The following KALRN variants were observed in gnomAD, a reference collection of about 807,000 sequenced individuals.
KALRN encodes the protein kalirin RhoGEF kinase.
KALRN carries 70 observed loss-of-function variants against 353.7 expected under a neutral mutation model. The observed-to-expected ratio is 0.20, with a 90% CI of 0.16 to 0.24. The LOEUF (loss-of-function observed/expected upper bound fraction) is 0.24, where lower values mean the gene tolerates loss of function less well. Ranked by LOEUF, KALRN falls within the 10% of genes least tolerant of loss-of-function variation. KALRN has a pLI of 1.00. For missense variants in KALRN, 2,791 were observed against 3,756.7 expected (o/e 0.74, Z 6.72); for synonymous variants, 1,391 against 1,434.8 (o/e 0.97, Z 0.69).
At chr3:124,077,978 A>G (rs2060345198) in intron 1 of KALRN, among the ~76,000 whole-genome samples, 1 of 152,234 alleles carries the variant, frequency 6.6e-6, no homozygotes, top group Non-Finnish European at 1.5e-5. Context: ...AATTGTTTCA[A>G]CGAATAAATG....
At chr3:124,286,099 C>CTTTCTTTCTTTCTT (rs2075836028) in intron 5 of KALRN, among the ~76,000 whole-genome samples, 2 of 143,678 alleles carry the variant, frequency 1.4e-5, no homozygotes, top group Admixed American at 1.4e-4. Context: ...TTCTTTCTTT[C>CTTTCTTTCTTTCTT]TTTCTTTCTT....
intron 39 of KALRN, among the ~76,000 whole-genome samples, chr3:124,657,150 T>C (rs1200715546): frequency 1.3e-5 from 2 of 152,226 alleles, no homozygotes; most frequent in Non-Finnish European, 2.9e-5. Context: ...TCTGAGCCTT[T>C]ATAGACCTGA....
chr3:124,713,490 G>A (rs1330192015), intron 58 of KALRN, among the ~76,000 whole-genome samples: 1 of 152,128 alleles, frequency 6.6e-6, no homozygotes, highest in East Asian at 1.9e-4. Flanking sequence ...CTGATTGACA[G>A]GGTGGAGTTG....
intron 1 of KALRN, among the ~76,000 whole-genome samples, chr3:124,137,449 T>C (rs1322818534): frequency 6.6e-6 from 1 of 152,130 alleles, no homozygotes; most frequent in Non-Finnish European, 1.5e-5. Context: ...GGGGCTCTAA[T>C]GAGGGACAGC....
chr3:124,607,056 A>G (rs750483193), intron 34 of KALRN, among the ~76,000 whole-genome samples: 6 of 152,262 alleles, frequency 3.9e-5, no homozygotes, highest in Admixed American at 2.0e-4. Flanking sequence ...TTGACTCATC[A>G]ATACCACTTC....
chr3:124,043,878 G>T (rs2040188725), intron 1 of KALRN, among the ~76,000 whole-genome samples: 1 of 152,144 alleles, frequency 6.6e-6, no homozygotes, highest in African/African-American at 2.4e-5. Flanking sequence ...AAGGCAAGCG[G>T]GGAAAGAAGT....
rs2066333448 is a variant in KALRN at position 124,139,330 on chromosome 3, A to G, written c.74-88660A>G. ...TTTGGGTGTATATGTTAAGTAAGTG[A>G]AGCTTCCACAGAAACAGAACAAAAT... On this transcript the variant is annotated intron_variant, in intron 1 of 59. Coordinates refer to ENST00000682506, the MANE Select transcript of KALRN (RefSeq NM_001388419.1). Among the ~76,000 whole-genome samples, 3 of 152,254 alleles carry G rather than the reference A, an allele frequency of 2.0e-5. 1 individual carries two copies. The highest frequency in any genetic ancestry group is 2.0e-4 in the Admixed American group (3 of 15,290).
intron 1 of KALRN, among the ~76,000 whole-genome samples, chr3:124,087,162 A>G (rs1467249646): frequency 2.1e-4 from 32 of 152,178 alleles, no homozygotes; most frequent in Non-Finnish European, 4.4e-5. Context: ...AATGGTTGCA[A>G]ATAATAAATT....
intron 13 of KALRN, 108 bp from the exon 14 acceptor site, chr3:124,413,362 C>A: frequency 1.1e-6 from 1 of 885,088 alleles, no homozygotes; most frequent in Non-Finnish European, 1.7e-6. Context: ...AAAGCAGAGA[C>A]TTAACTGAGG....
At chr3:124,386,436 T>A (rs1198196686) in intron 11 of KALRN, among the ~76,000 whole-genome samples, 2 of 151,828 alleles carry the variant, frequency 1.3e-5, no homozygotes, top group Non-Finnish European at 2.9e-5. Flanking sequence ...TGGACCGGGG[T>A]CAGTTTCCAT....
At chr3:124,040,603 C>T (rs1251453792) in intron 1 of KALRN, among the ~76,000 whole-genome samples, 3 of 152,170 alleles carry the variant, frequency 2.0e-5, no homozygotes, top group Admixed American at 6.5e-5. Flanking sequence ...CAGAGGATGA[C>T]AGGCTTTGGA....
At chr3:124,638,563 C>T (rs2081632586) in intron 37 of KALRN, among the ~76,000 whole-genome samples, 1 of 152,112 alleles carries the variant, frequency 6.6e-6, no homozygotes, top group African/African-American at 2.4e-5. Flanking sequence ...TAATTTTTTT[C>T]TTAAAGTCAT....
chr3:124,382,910 G>A (rs1307576885), intron 10 of KALRN, among the ~76,000 whole-genome samples: 1 of 151,712 alleles, frequency 6.6e-6, no homozygotes, highest in African/African-American at 2.4e-5. Flanking sequence ...TCTCATGAGT[G>A]GATGACTTCC....
chr3:124,435,048 T>G (rs527474636), intron 17 of KALRN, among the ~76,000 whole-genome samples: 1 of 152,150 alleles, frequency 6.6e-6, no homozygotes, highest in Non-Finnish European at 1.5e-5. Flanking sequence ...AATGCAAGAG[T>G]CCAAAATCTA....
At chr3:124,113,982 A>G (rs1278461502) in intron 1 of KALRN, among the ~76,000 whole-genome samples, 1 of 152,190 alleles carries the variant, frequency 6.6e-6, no homozygotes, top group African/African-American at 2.4e-5. Flanking sequence ...AGCTGAGGCA[A>G]CAGGGTCTTT....
intron 19 of KALRN, among the ~76,000 whole-genome samples, chr3:124,443,853 G>A (rs1426260023): frequency 6.6e-6 from 1 of 152,158 alleles, no homozygotes; most frequent in Non-Finnish European, 1.5e-5. Context: ...CATAGAGGGA[G>A]GGAGCTTCAA....
rs549678452 is a variant in KALRN, at chr3:124,612,151, A to G, written c.5183-20269A>G. 1.2e-4 allele frequency among the ~76,000 whole-genome samples: 19 copies of G among 152,202 alleles called. No individual in the cohort carries two copies. The East Asian group carries it at 3.7e-3, about 29-fold the overall frequency. On this transcript the variant is annotated intron_variant, in intron 34 of 59. Transcript: ENST00000682506. ...GCGATTCTCCTGCCTCAGCCTCCCAAGTAGCTGGGATTACAGGCATGCACC... is the reference window on the plus strand; with the variant it reads ...GCGATTCTCCTGCCTCAGCCTCCCAGGTAGCTGGGATTACAGGCATGCACC...
intron 33 of KALRN, among the ~76,000 whole-genome samples, chr3:124,544,581 G>T (rs1205443521): frequency 6.6e-6 from 1 of 151,514 alleles, no homozygotes; most frequent in Non-Finnish European, 1.5e-5. Flanking sequence ...TATCTATATC[G>T]ATACATCTAT....
At chr3:124,505,006 G>T in intron 33 of KALRN, 1 of 477,986 alleles carries the variant, frequency 2.1e-6, no homozygotes. Context: ...AGATGGCATG[G>T]TTGGAGGGAG....
Sources: gnomAD v4.1 joint callset for allele counts (sites outside exome capture counted in the v4.1 genomes callset) on GRCh38, gnomAD v4.1.1 for gene constraint, MANE v1.5 for transcripts, NCBI Gene and HGNC (gene_info 2026-07-23, HGNC 2026-07-21) for gene names.